SLC24A2: variants seen among roughly 807,000 people sequenced by gnomAD.
SLC24A2 encodes the protein sodium/potassium/calcium exchanger 2.
In SLC24A2, 36 loss-of-function variants were observed where a neutral mutation model predicts 62.0. That is an observed-to-expected ratio of 0.58 (90% CI 0.44 to 0.77). SLC24A2 has a LOEUF of 0.77. Among genes scored for constraint, SLC24A2 ranks in the 30% least tolerant of loss-of-function variants. The probability of loss-of-function intolerance (pLI) is 0.00; values close to 1 mark genes in which losing one functional copy is unlikely to be tolerated. For synonymous variants in SLC24A2, 358 were observed against 294.0 expected, an observed-to-expected ratio of 1.22 and a Z score of -2.23; for missense variants, 846 against 817.9, an observed-to-expected ratio of 1.03 and a Z score of -0.42.
At chr9:20,251,016 A>G in the SLC24A2 span, among the ~76,000 whole-genome samples, 1 of 152,336 alleles carries the variant, frequency 6.6e-6, no homozygotes, top group Non-Finnish European at 1.5e-5. Flanking sequence ...AGCTGGCTCC[A>G]GTGTTCGCTT....
chr9:19,713,470 A>G (rs1820771458), intron 2 of SLC24A2, among the ~76,000 whole-genome samples: 1 of 152,184 alleles, frequency 6.6e-6, no homozygotes, highest in Non-Finnish European at 1.5e-5. Context: ...TTTTAAATGT[A>G]TTTGTCAACC....
chr9:19,528,343 A>G (rs554351788), intron 8 of SLC24A2, among the ~76,000 whole-genome samples: 103 of 152,320 alleles, frequency 6.8e-4, no homozygotes, highest in African/African-American at 2.4e-3. Context: ...ATAGGAACTG[A>G]GTGATCACAG....
the SLC24A2 span, among the ~76,000 whole-genome samples, chr9:20,187,403 C>G: frequency 1.3e-5 from 2 of 152,182 alleles, no homozygotes; most frequent in Non-Finnish European, 2.9e-5. Flanking sequence ...CCTGACCCCC[C>G]GTTGCTTACT....
chr9:20,304,775 A>C, the SLC24A2 span, among the ~76,000 whole-genome samples: 4 of 152,226 alleles, frequency 2.6e-5, no homozygotes, highest in Non-Finnish European at 4.4e-5. Context: ...GGAGGAAACC[A>C]AGCTAGAGAG....
At chr9:19,554,738 G>T (rs991729742) in intron 7 of SLC24A2, among the ~76,000 whole-genome samples, 4 of 152,140 alleles carry the variant, frequency 2.6e-5, no homozygotes, top group African/African-American at 9.7e-5. Flanking sequence ...CTGGCTGGAG[G>T]GGACATTTTG....
chr9:20,116,146 T>G, the SLC24A2 span, among the ~76,000 whole-genome samples: 1 of 152,162 alleles, frequency 6.6e-6, no homozygotes, highest in Non-Finnish European at 1.5e-5. Context: ...AACTTAATAA[T>G]AGACTCTAGT....
At chr9:20,109,928 C>G in the SLC24A2 span, among the ~76,000 whole-genome samples, 8 of 152,172 alleles carry the variant, frequency 5.3e-5, no homozygotes, top group Non-Finnish European at 7.3e-5. Flanking sequence ...TTTCCATTAA[C>G]ATTTTTCTTT....
chr9:19,684,202 G>T (rs1353186502), intron 2 of SLC24A2, among the ~76,000 whole-genome samples: 1 of 152,004 alleles, frequency 6.6e-6, no homozygotes, highest in African/African-American at 2.4e-5. Flanking sequence ...AATTTCTGAG[G>T]CCTGGGAAAG....
the SLC24A2 span, chr9:19,926,692 CCAAA>C: frequency 6.6e-6 from 1 of 152,270 alleles, no homozygotes; most frequent in South Asian, 2.1e-4. Context: ...AGGATGAAGA[CCAAA>C]CAGACTGCAG....
chr9:19,753,191 C>G (rs758580537), intron 2 of SLC24A2, among the ~76,000 whole-genome samples: 2 of 152,208 alleles, frequency 1.3e-5, no homozygotes, highest in Non-Finnish European at 2.9e-5. Context: ...TCCAACTCAG[C>G]AGGCAGGGAG....
chr9:19,694,215 G>C (rs1820121888), intron 2 of SLC24A2, among the ~76,000 whole-genome samples: 1 of 151,980 alleles, frequency 6.6e-6, no homozygotes, highest in South Asian at 2.1e-4. Context: ...CAACAGATAG[G>C]GTAAAGATAT....
At chr9:19,784,680 G>C (rs1823109929) in intron 2 of SLC24A2, among the ~76,000 whole-genome samples, 1 of 152,140 alleles carries the variant, frequency 6.6e-6, no homozygotes, top group Non-Finnish European at 1.5e-5. Flanking sequence ...CCCTGAAGGA[G>C]ATGTACTCAG....
At chr9:19,817,579 G>C in the SLC24A2 span, among the ~76,000 whole-genome samples, 1 of 151,628 alleles carries the variant, frequency 6.6e-6, no homozygotes, top group Admixed American at 6.6e-5. Flanking sequence ...TAGAGATATG[G>C]AATTAGGCAT....
the SLC24A2 span, among the ~76,000 whole-genome samples, chr9:20,209,911 C>T: frequency 6.6e-6 from 1 of 152,258 alleles, no homozygotes; most frequent in Non-Finnish European, 1.5e-5. Context: ...TAGAATAACA[C>T]CATCCTTCTT....
chr9:19,701,614 C>T (rs551461239), intron 2 of SLC24A2, among the ~76,000 whole-genome samples: 15 of 152,290 alleles, frequency 9.8e-5, no homozygotes, highest in Non-Finnish European at 1.8e-4. Context: ...AAAATAAAGA[C>T]GCAGGTTTGA....
intron 2 of SLC24A2, among the ~76,000 whole-genome samples, chr9:19,783,152 A>G (rs192900325): frequency 6.6e-6 from 1 of 152,258 alleles, no homozygotes; most frequent in East Asian, 1.9e-4. Flanking sequence ...CCAAATTAAG[A>G]TTTTATATTT....
chr9:20,087,900 C>T, the SLC24A2 span, among the ~76,000 whole-genome samples: 25 of 152,154 alleles, frequency 1.6e-4, no homozygotes, highest in Non-Finnish European at 5.9e-5. Flanking sequence ...GGAGCGTCCC[C>T]TACCCAGGGA....
chr9:19,565,253 C>G (rs530314708), intron 7 of SLC24A2, among the ~76,000 whole-genome samples: 1 of 151,354 alleles, frequency 6.6e-6, no homozygotes, highest in African/African-American at 2.4e-5. Context: ...AGCTGATAAG[C>G]AACTTCAGCA....
the SLC24A2 span, among the ~76,000 whole-genome samples, chr9:20,181,380 A>ATGT: frequency 5.9e-5 from 9 of 152,310 alleles, 1 homozygote; most frequent in South Asian, 1.9e-3. Context: ...AGATGACTTC[A>ATGT]AACTATGCTA....
Sources: allele counts gnomAD v4.1 joint callset (sites outside exome capture counted in the v4.1 genomes callset), GRCh38; gene constraint gnomAD v4.1.1; transcripts MANE v1.5; gene names NCBI Gene and HGNC (gene_info 2026-07-23, HGNC 2026-07-21).